The following AP1S3 variants were observed in gnomAD, a reference collection of about 807,000 sequenced individuals.
AP1S3 encodes adaptor related protein complex 1 subunit sigma 3.
Under a neutral mutation model 20.9 loss-of-function variants are expected in AP1S3, and 10 were observed. That is an observed-to-expected ratio of 0.48 (90% CI 0.29 to 0.81). AP1S3 has a LOEUF of 0.81. AP1S3 is among the 30% of genes least tolerant of loss of function. The pLI is 0.08. For synonymous variants in AP1S3, 41 were observed against 61.5 expected (o/e 0.67, Z 1.56); for missense variants, 154 against 183.8 (o/e 0.84, Z 0.94).
intron 1 of AP1S3, among the ~76,000 whole-genome samples, chr2:223,791,748 G>A (rs1051544730): frequency 6.6e-6 from 1 of 152,152 alleles, no homozygotes; most frequent in African/African-American, 2.4e-5. Context: ...AACTATCTTT[G>A]TTTGCAAATG....
At position 223,756,111 on chromosome 2, in the gene AP1S3, G is replaced by T. The variant is rs149813262; in HGVS notation, c.*2604C>A. ...TCCAGCACTTTGGAAGGCCAAGGCG[G>T]GCGGATCACCTGAGGTCGGCGTTCA... is the stretch of plus-strand genomic sequence containing the variant. On this transcript the variant is annotated 3_prime_UTR_variant, in exon 5 of 5. Transcript: ENST00000396654. The T allele has an allele frequency of 4.3e-6, 4 of 925,350 alleles. No homozygotes were observed. The highest frequency in any genetic ancestry group is 5.2e-6 in the Non-Finnish European group (4 of 775,180). The allele number at this position is 925,350 out of a possible 1,614,324, so 57.3% of individuals were successfully genotyped here.
chr2:223,770,750 AAC>A (rs1156342563), intron 3 of AP1S3, among the ~76,000 whole-genome samples: 3 of 45,430 alleles, frequency 6.6e-5, no homozygotes, highest in Non-Finnish European at 1.0e-4. Context: ...TTTTTTTGGA[AAC>A]AGTCTTACTC....
intron 3 of AP1S3, among the ~76,000 whole-genome samples, chr2:223,770,726 C>CCTT (rs1194728092): frequency 3.9e-5 from 3 of 76,628 alleles, no homozygotes; most frequent in African/African-American, 8.8e-5. Flanking sequence ...TAGACCAGTT[C>CCTT]ATTTTTTTTT....
intron 1 of AP1S3, among the ~76,000 whole-genome samples, chr2:223,825,380 T>C (rs1227300635): frequency 6.6e-6 from 1 of 151,928 alleles, no homozygotes; most frequent in Non-Finnish European, 1.5e-5. Context: ...AGCACTTCTA[T>C]TTCCTTAATA....
chr2:223,776,246 A>C (rs541011865), intron 2 of AP1S3: 1 of 598,888 alleles, frequency 1.7e-6, no homozygotes, highest in Non-Finnish European at 3.2e-6. Flanking sequence ...ACAAAATTTT[A>C]CCTTGAAGAG....
intron 4 of AP1S3, among the ~76,000 whole-genome samples, chr2:223,761,765 T>C (rs995963285): frequency 2.0e-5 from 3 of 152,072 alleles, no homozygotes; most frequent in African/African-American, 7.2e-5. Context: ...GTTCTCACTA[T>C]GTTGCCTAGG....
intron 1 of AP1S3, among the ~76,000 whole-genome samples, chr2:223,800,666 T>C (rs1269557820): frequency 6.6e-6 from 1 of 152,090 alleles, no homozygotes; most frequent in African/African-American, 2.4e-5. Flanking sequence ...CTTAGCAAAC[T>C]AGGAAGAGAG....
chr2:223,780,347 AGAGAGAGAGAGTGT>A (rs1269510072), intron 1 of AP1S3, among the ~76,000 whole-genome samples: 57 of 89,370 alleles, frequency 6.4e-4, no homozygotes, highest in East Asian at 2.7e-3. Flanking sequence ...AGAGAGAGAG[AGAGAGAGAGAGTGT>A]GTGTGTGTGT....
chr2:223,836,076 C>T (rs572738903), intron 1 of AP1S3, among the ~76,000 whole-genome samples: 3 of 152,314 alleles, frequency 2.0e-5, no homozygotes, highest in Non-Finnish European at 4.4e-5. Context: ...TAACAGAAAC[C>T]AGCAACTGCG....
chr2:223,774,063 T>C (rs995589525), intron 3 of AP1S3, among the ~76,000 whole-genome samples: 2 of 151,960 alleles, frequency 1.3e-5, no homozygotes, highest in Non-Finnish European at 2.9e-5. Flanking sequence ...AACTGTCAGG[T>C]ATATAAAAAG....
At chr2:223,805,682 G>A (rs370569126) in intron 1 of AP1S3, among the ~76,000 whole-genome samples, 120 of 152,148 alleles carry the variant, frequency 7.9e-4, no homozygotes, top group Middle Eastern at 6.8e-3. Context: ...CTTCTTATAC[G>A]TCTTAACGTG....
intron 1 of AP1S3, among the ~76,000 whole-genome samples, chr2:223,802,105 C>T (rs7561269): frequency 0.41 from 61,905 of 151,592 alleles, 12,767 homozygotes; most frequent in Middle Eastern, 0.48. Flanking sequence ...TATATCTCTA[C>T]TGAGGGTCTG....
chr2:223,771,774 A>G (rs903401541), intron 3 of AP1S3, among the ~76,000 whole-genome samples: 3 of 152,250 alleles, frequency 2.0e-5, no homozygotes, highest in Admixed American at 2.0e-4. Flanking sequence ...AAATGCTTCA[A>G]ATAATAGTAA....
At chr2:223,770,998 G>A (rs1053833411) in intron 3 of AP1S3, among the ~76,000 whole-genome samples, 1 of 151,956 alleles carries the variant, frequency 6.6e-6, no homozygotes, top group Non-Finnish European at 1.5e-5. Flanking sequence ...GCCTCCCAAA[G>A]TGCTGGGATT....
In AP1S3 at chr2:223,820,442, C is replaced by T. The variant is rs533196612; in HGVS notation, c.3+17006G>A. On this transcript the variant is annotated intron_variant, in intron 1 of 4. Coordinates refer to ENST00000396654, the MANE Select transcript of AP1S3 (RefSeq NM_001039569.2). ...AAGTTTTTCTGAGGCACGGGGTGTG[C>T]CTGTTTAACTCATCTTATATATAAG... 2.6e-5 allele frequency among the ~76,000 whole-genome samples: 4 copies of T among 151,670 alleles called. No homozygotes were observed. In the East Asian group the frequency reaches 7.8e-4, roughly 29 times the overall value.
intron 1 of AP1S3, among the ~76,000 whole-genome samples, chr2:223,781,381 G>C (rs1308933157): frequency 6.6e-6 from 1 of 151,834 alleles, no homozygotes; most frequent in African/African-American, 2.4e-5. Flanking sequence ...CTTCAGTCTG[G>C]AATTTTAACA....
At chr2:223,777,277 C>T (rs1295419551) in intron 2 of AP1S3, among the ~76,000 whole-genome samples, 1 of 152,196 alleles carries the variant, frequency 6.6e-6, no homozygotes, top group Non-Finnish European at 1.5e-5. Context: ...TGCCTGCAAT[C>T]CTAGCTACTC....
chr2:223,801,405 C>T (rs1234411942), intron 1 of AP1S3, among the ~76,000 whole-genome samples: 2 of 152,122 alleles, frequency 1.3e-5, no homozygotes, highest in Non-Finnish European at 2.9e-5. Context: ...ACTGGCCTTG[C>T]CCACTTTTAA....
chr2:223,817,938 C>T (rs1258264653), intron 1 of AP1S3, among the ~76,000 whole-genome samples: 1 of 152,092 alleles, frequency 6.6e-6, no homozygotes, highest in Non-Finnish European at 1.5e-5. Flanking sequence ...AAATGACCCA[C>T]TGCATGGCAG....
Sources: gnomAD v4.1 joint callset for allele counts (sites outside exome capture counted in the v4.1 genomes callset) on GRCh38, gnomAD v4.1.1 for gene constraint, MANE v1.5 for transcripts, NCBI Gene and HGNC (gene_info 2026-07-23, HGNC 2026-07-21) for gene names.